The following MBD5 variants were observed in gnomAD, a reference collection of about 807,000 sequenced individuals.
The protein encoded by MBD5 is methyl-CpG-binding domain protein 5.
In MBD5, 13 loss-of-function variants were observed where a neutral mutation model predicts 117.3. That is an observed-to-expected ratio of 0.11 (90% CI 0.07 to 0.18). The LOEUF (loss-of-function observed/expected upper bound fraction) is 0.18, where lower values mean the gene tolerates loss of function less well. Ranked by LOEUF, MBD5 falls within the 10% of genes least tolerant of loss-of-function variation. The pLI is 1.00. For missense variants in MBD5, 1,879 were observed against 2,093.8 expected (o/e 0.90, Z 2.00); for synonymous variants, 727 against 766.4 (o/e 0.95, Z 0.85).
intron 1 of MBD5, among the ~76,000 whole-genome samples, chr2:148,146,345 A>G (rs1697463189): frequency 6.6e-6 from 1 of 151,842 alleles, no homozygotes; most frequent in Non-Finnish European, 1.5e-5. Flanking sequence ...TGCAGCCTCA[A>G]CCTCCCTGGC....
At chr2:148,370,938 G>A (rs1703835233) in intron 4 of MBD5, among the ~76,000 whole-genome samples, 1 of 152,060 alleles carries the variant, frequency 6.6e-6, no homozygotes, top group Admixed American at 6.6e-5. Flanking sequence ...TAGGAACCAA[G>A]TATTTGCAAA....
intron 7 of MBD5, among the ~76,000 whole-genome samples, chr2:148,466,668 C>T (rs71350081): frequency 0.043 from 6,491 of 152,132 alleles, 266 homozygotes; most frequent in African/African-American, 0.1. Context: ...CTCTTTTTAA[C>T]AAGAAAATAA....
chr2:148,189,155 T>A (rs1410697959), intron 2 of MBD5, among the ~76,000 whole-genome samples: 2 of 146,100 alleles, frequency 1.4e-5, no homozygotes, highest in Admixed American at 6.8e-5. Flanking sequence ...GAGATCAAAC[T>A]GCAAGGCGGC....
chr2:148,389,347 G>A (rs1704495393), intron 4 of MBD5, among the ~76,000 whole-genome samples: 1 of 132,906 alleles, frequency 7.5e-6, no homozygotes, highest in Non-Finnish European at 1.6e-5. Context: ...ATGGCACTTA[G>A]CTTGATTCCA....
At chr2:148,029,364 T>C (rs1693978504) in intron 1 of MBD5, among the ~76,000 whole-genome samples, 1 of 152,134 alleles carries the variant, frequency 6.6e-6, no homozygotes, top group Admixed American at 6.5e-5. Context: ...CTGTAGAAGG[T>C]GTTACTTTGC....
At chr2:148,034,136 A>C (rs1328960118) in intron 1 of MBD5, among the ~76,000 whole-genome samples, 2 of 152,136 alleles carry the variant, frequency 1.3e-5, no homozygotes, top group Non-Finnish European at 2.9e-5. Context: ...TCAAGGCTGC[A>C]GGGAGCCGTG....
chr2:148,052,965 A>C (rs79594521), intron 1 of MBD5, among the ~76,000 whole-genome samples: 1 of 128,466 alleles, frequency 7.8e-6, no homozygotes, highest in African/African-American at 2.5e-5. Context: ...TTCGTCTCAA[A>C]AAAAAAAAAA....
chr2:148,085,619 G>A (rs924423798), intron 1 of MBD5, among the ~76,000 whole-genome samples: 28 of 151,034 alleles, frequency 1.9e-4, no homozygotes, highest in Admixed American at 1.6e-3. Flanking sequence ...AGCTACTTGG[G>A]AGGCTGAGGC....
At chr2:148,259,736 C>G (rs1024760969) in intron 3 of MBD5, among the ~76,000 whole-genome samples, 23 of 152,160 alleles carry the variant, frequency 1.5e-4, no homozygotes, top group Non-Finnish European at 3.4e-4. Flanking sequence ...AGCATGAGCT[C>G]ACATAGGTCA....
chr2:148,415,735 A>G (rs916779849), intron 4 of MBD5, among the ~76,000 whole-genome samples: 2 of 152,170 alleles, frequency 1.3e-5, no homozygotes, highest in African/African-American at 4.8e-5. Context: ...AGATTCTTTC[A>G]TCAGCTTGTT....
intron 3 of MBD5, among the ~76,000 whole-genome samples, chr2:148,259,743 G>C (rs977753511): frequency 2.6e-5 from 4 of 152,144 alleles, no homozygotes; most frequent in Non-Finnish European, 5.9e-5. Flanking sequence ...GCTCACATAG[G>C]TCATCATCTA....
chr2:148,495,780 GT>G (rs1681682311), intron 11 of MBD5, among the ~76,000 whole-genome samples: 1 of 152,110 alleles, frequency 6.6e-6, no homozygotes, highest in African/African-American at 2.4e-5. Context: ...CTGAATAGTC[GT>G]TCAAAACCAA....
intron 3 of MBD5, among the ~76,000 whole-genome samples, chr2:148,298,719 GC>G (rs148736961): frequency 3.7e-4 from 56 of 152,196 alleles, no homozygotes; most frequent in African/African-American, 1.3e-3. Context: ...ATTGCTTATA[GC>G]TCTAGAAATC....
chr2:148,407,130 A>G (rs1007626230), intron 4 of MBD5, among the ~76,000 whole-genome samples: 2 of 152,302 alleles, frequency 1.3e-5, no homozygotes. Flanking sequence ...AATCCTCATC[A>G]TCCAAATACT....
chr2:148,331,177 G>A (rs1445263650), intron 3 of MBD5, among the ~76,000 whole-genome samples: 1 of 152,106 alleles, frequency 6.6e-6, no homozygotes, highest in African/African-American at 2.4e-5. Flanking sequence ...TTCATATGCA[G>A]CACACTTAAG....
intron 4 of MBD5, among the ~76,000 whole-genome samples, chr2:148,397,695 A>G (rs1294842379): frequency 1.3e-5 from 2 of 152,088 alleles, no homozygotes; most frequent in Admixed American, 6.6e-5. Flanking sequence ...GTACATGTGC[A>G]CAACGTGCAG....
At chr2:148,480,492 A>C (rs1162717215) in intron 8 of MBD5, among the ~76,000 whole-genome samples, 2 of 152,160 alleles carry the variant, frequency 1.3e-5, no homozygotes, top group Non-Finnish European at 2.9e-5. Flanking sequence ...ATTATTTAGC[A>C]GAGAGAAAAA....
At chr2:148,108,246 T>C (rs1320722913) in intron 1 of MBD5, among the ~76,000 whole-genome samples, 1 of 152,206 alleles carries the variant, frequency 6.6e-6, no homozygotes, top group Non-Finnish European at 1.5e-5. Context: ...AATACTAATC[T>C]AATACTAATT....
At chr2:148,046,678 AT>A (rs1188349287) in intron 1 of MBD5, among the ~76,000 whole-genome samples, 1 of 152,096 alleles carries the variant, frequency 6.6e-6, no homozygotes, top group African/African-American at 2.4e-5. Flanking sequence ...TGTTATGCAC[AT>A]TGCTGCTAGT....
Sources: allele counts gnomAD v4.1 joint callset (sites outside exome capture counted in the v4.1 genomes callset), GRCh38; gene constraint gnomAD v4.1.1; transcripts MANE v1.5; gene names NCBI Gene and HGNC (gene_info 2026-07-23, HGNC 2026-07-21).